The following RNF213 variants were observed in gnomAD, a reference collection of about 807,000 sequenced individuals.
RNF213 encodes E3 ubiquitin-protein ligase RNF213.
Under a neutral mutation model 514.4 loss-of-function variants are expected in RNF213, and 341 were observed. The observed-to-expected ratio is 0.66, with a 90% CI of 0.61 to 0.73. RNF213 has a LOEUF of 0.73. RNF213 is among the 30% of genes least tolerant of loss of function. RNF213 has a pLI of 0.00. For missense variants in RNF213, 5,767 were observed against 6,615.6 expected (o/e 0.87, Z 4.45); for synonymous variants, 2,655 against 2,658.2 (o/e 1.00, Z 0.04).
chr17:80,286,276 C>T (rs1304141662), intron 3 of RNF213, among the ~76,000 whole-genome samples: 2 of 117,730 alleles, frequency 1.7e-5, no homozygotes, highest in African/African-American at 6.7e-5. Flanking sequence ...TGTTATGGGT[C>T]GGAGGGTCGG....
chr17:80,348,350 C>T, intron 29 of RNF213, 64 bp downstream of exon 29: 6 of 1,594,618 alleles, frequency 3.8e-6, no homozygotes, highest in Non-Finnish European at 5.1e-6. Context: ...TCCCTCGTGT[C>T]AGGATTCAAG....
intron 2 of RNF213, among the ~76,000 whole-genome samples, chr17:80,268,530 T>C (rs1425491702): frequency 6.6e-6 from 1 of 152,120 alleles, no homozygotes; most frequent in East Asian, 1.9e-4. Context: ...GATCGTAAGC[T>C]TAATCAAATG....
intron 2 of RNF213, among the ~76,000 whole-genome samples, chr17:80,271,844 G>T (rs1337919026): frequency 6.6e-6 from 1 of 152,112 alleles, no homozygotes; most frequent in East Asian, 1.9e-4. Context: ...GCTGGGTGTG[G>T]TGGCGCATGC....
intron 63 of RNF213, 193 bp from the exon 64 acceptor site, chr17:80,388,419 C>A: frequency 1.6e-6 from 1 of 613,932 alleles, no homozygotes; most frequent in Admixed American, 2.5e-5. Flanking sequence ...GTGAGGACTC[C>A]GCTGGATTCC....
chr17:80,364,112 G>C (rs547066283), intron 41 of RNF213, among the ~76,000 whole-genome samples: 1 of 152,310 alleles, frequency 6.6e-6, no homozygotes, highest in South Asian at 2.1e-4. Context: ...GCACAGAGCA[G>C]GACAGGCCCT....
chr17:80,377,424 A>G lies in RNF213; in HGVS notation c.13511-338A>G, dbSNP rs553732720. On this transcript the variant is annotated intron_variant, in intron 53 of 67. Transcript: ENST00000582970. The surrounding 1 kb of genome is among the most constrained non-coding windows in gnomAD (Gnocchi z 4.1). ...AAACTAGTTTTTAAAGTTGTTATAAAATATGCTCATGACAAAAAAAAAAAA... is the reference window on the plus strand; with the variant it reads ...AAACTAGTTTTTAAAGTTGTTATAAGATATGCTCATGACAAAAAAAAAAAA... Among the ~76,000 whole-genome samples the G allele has an allele frequency of 2.8e-5, 4 of 144,842 alleles. No homozygotes were observed. The South Asian group carries it at 9.1e-4, about 33-fold the overall frequency.
intron 3 of RNF213, chr17:80,279,001 G>C: frequency 6.7e-7 from 1 of 1,497,692 alleles, no homozygotes; most frequent in South Asian, 1.2e-5. Flanking sequence ...TCCGGCCCTT[G>C]AGTCCCTGCC....
intron 8 of RNF213, among the ~76,000 whole-genome samples, chr17:80,292,261 T>A (rs2044758734): frequency 6.6e-6 from 1 of 152,066 alleles, no homozygotes; most frequent in African/African-American, 2.4e-5. Flanking sequence ...ACTTTTGTAT[T>A]TTTAGAGAGA....
chr17:80,349,341 G>T (rs2078421914), intron 29 of RNF213, among the ~76,000 whole-genome samples: 1 of 152,198 alleles, frequency 6.6e-6, no homozygotes, highest in Admixed American at 6.5e-5. Flanking sequence ...CTTGCACTGT[G>T]ATGGGGGAGT....
At chr17:80,304,837 A>T (rs1293052548) in intron 11 of RNF213, among the ~76,000 whole-genome samples, 1 of 152,038 alleles carries the variant, frequency 6.6e-6, no homozygotes, top group Non-Finnish European at 1.5e-5. Context: ...CAGCTTCCCC[A>T]GCTGAAACTC....
rs1460170719 is a variant in RNF213, at chr17:80,383,869, A to G, written c.14263A>G (p.Ile4755Val). Residue 4755 changes from isoleucine (I) to valine (V), a missense_variant, in exon 59 of 68, where the codon ATT (isoleucine) becomes GTT (valine). Transcript: ENST00000582970. ...AATTACAGTTGAGTACCTCCAGCAC[A>G]TTGTGGAACAGAAAAATGGCAAAGA... is the stretch of plus-strand genomic sequence containing the variant. ...KRITVEYLQH[I>V]VEQKNGKERV... 6.2e-7 allele frequency: 1 copy of G among 1,614,206 alleles called. No individual in the cohort carries two copies. Among genetic ancestry groups the G allele is most frequent in the Admixed American group, 1.7e-5 (1 of 60,026 alleles).
intron 37 of RNF213, among the ~76,000 whole-genome samples, chr17:80,359,774 G>A (rs1057298438): frequency 6.6e-6 from 1 of 152,210 alleles, no homozygotes; most frequent in African/African-American, 2.4e-5. Flanking sequence ...GACAGGTTCA[G>A]GAACCAGAAG....
rs536960788 is a variant in RNF213 at position 80,363,929 on chromosome 17, C to T, written c.11750+139C>T. The T allele has an allele frequency of 2.8e-5, 24 of 859,774 alleles. No homozygotes were observed. In the South Asian group the frequency reaches 3.0e-4, roughly 11 times the overall value. 53.3% of individuals were successfully genotyped at this position (859,774 alleles called of 1,614,324 possible). A position where few individuals can be genotyped will look rare whatever the true frequency, so the allele number is the denominator to read the frequency against. Reference sequence around the variant, plus strand: ...GCTCCGTCCTCACCCGTTCACTCCGCATTTGCCGAACCCTTAGTGAGTGCC... The same window carrying T: ...GCTCCGTCCTCACCCGTTCACTCCGTATTTGCCGAACCCTTAGTGAGTGCC... On this transcript the variant is annotated intron_variant, in intron 41 of 67. Transcript: ENST00000582970.
intron 6 of RNF213, among the ~76,000 whole-genome samples, chr17:80,290,232 C>CT (rs1452619760): frequency 6.6e-6 from 1 of 152,220 alleles, no homozygotes; most frequent in Non-Finnish European, 1.5e-5. Context: ...CGTGGACGTG[C>CT]TTGCATGTTT....
chr17:80,318,637 G>A (rs1256944185), intron 16 of RNF213, among the ~76,000 whole-genome samples: 2 of 152,086 alleles, frequency 1.3e-5, no homozygotes, highest in Non-Finnish European at 2.9e-5. Context: ...GCAGTGGCGG[G>A]ATCTCGGCTC....
rs567923931 is a variant in RNF213, at chr17:80,333,387, TAG to T, written c.4144-716_4144-715del. On this transcript the variant is annotated intron_variant, in intron 21 of 67. Coordinates refer to ENST00000582970, the MANE Select transcript of RNF213 (RefSeq NM_001256071.3). ...GTCTTCTGCTTCTTATGTTTTTAGGTAGACCGAGATAATGATTAGAATTTAGC... is the reference window on the plus strand; with the variant it reads ...GTCTTCTGCTTCTTATGTTTTTAGGTACCGAGATAATGATTAGAATTTAGC... Among the ~76,000 whole-genome samples, 643 of 149,954 alleles carry T rather than the reference TAG, an allele frequency of 4.3e-3. 2 individuals carry two copies. Among genetic ancestry groups the T allele is most frequent in the Admixed American group, 7.6e-3 (115 of 15,120 alleles).
Position 80,348,063 on chromosome 17 carries a change from C to A in RNF213, c.9728C>A (p.Thr3243Lys). ...GAGAGGCAGGGTCCCCGGGCCTTGA[C>A]GGAGGAACTTCACCAGAAGGTGTCT... The part of the protein sequence containing the change: ...VIERQGPRAL[T>K]EELHQKVSEE... Residue 3243 changes from threonine to lysine, a missense_variant, in exon 29 of 68, where the codon ACG (threonine) becomes AAG (lysine). Physicochemically the swap from Thr to Lys is moderately conservative, Grantham distance 78 (BLOSUM62 -1). Transcript: ENST00000582970. The A allele has an allele frequency of 6.2e-7, 1 of 1,614,160 alleles. No individual in the cohort carries two copies. Among genetic ancestry groups the A allele is most frequent in the Non-Finnish European group, 8.5e-7 (1 of 1,180,056 alleles).
At chr17:80,262,757 C>T (rs974201813) in intron 1 of RNF213, among the ~76,000 whole-genome samples, 3 of 152,216 alleles carry the variant, frequency 2.0e-5, no homozygotes, top group Admixed American at 6.5e-5. Context: ...GGGAACCCCA[C>T]CCAGTGCCTC....
intron 12 of RNF213, 76 bp from the exon 13 acceptor site, chr17:80,307,052 T>C: frequency 6.9e-7 from 1 of 1,457,874 alleles, no homozygotes; most frequent in Admixed American, 1.7e-5. Context: ...TGGATTTTTT[T>C]CAGCTCTGTT....
Sources: allele counts gnomAD v4.1 joint callset (sites outside exome capture counted in the v4.1 genomes callset), GRCh38; gene constraint gnomAD v4.1.1; non-coding constraint Gnocchi (gnomAD v3.1); transcripts MANE v1.5; gene names NCBI Gene and HGNC (gene_info 2026-07-23, HGNC 2026-07-21).